The following PCDHA8 variants were observed in gnomAD, a reference collection of about 807,000 sequenced individuals.
The protein encoded by PCDHA8 is protocadherin alpha 8, also known as protocadherin alpha-8.
PCDHA8 carries 53 observed loss-of-function variants against 61.8 expected under a neutral mutation model. The observed-to-expected ratio is 0.86, with a 90% CI of 0.69 to 1.08. The LOEUF is 1.08. PCDHA8 is among the 50% of genes least tolerant of loss of function. PCDHA8 has a pLI of 0.00. For synonymous variants in PCDHA8, 618 were observed against 556.6 expected, an observed-to-expected ratio of 1.11 and a Z score of -1.55; for missense variants, 1,293 against 1,245.0, an observed-to-expected ratio of 1.04 and a Z score of -0.58.
chr5:140,981,685 C>T (rs369964011), intron 2 of PCDHA8, among the ~76,000 whole-genome samples: 1 of 152,048 alleles, frequency 6.6e-6, no homozygotes, highest in African/African-American at 2.4e-5. Flanking sequence ...TTCCTCCCTT[C>T]CATCATTCAT....
chr5:140,849,189 G>C, intron 1 of PCDHA8: 1 of 1,056,674 alleles, frequency 9.5e-7, no homozygotes, highest in Non-Finnish European at 1.3e-6. Context: ...ACTCATCACG[G>C]TACTGGACAA....
chr5:140,982,706 T>C, intron 3 of PCDHA8, 143 bp downstream of exon 3: 1 of 1,375,170 alleles, frequency 7.3e-7, no homozygotes, highest in Admixed American at 2.9e-5. Flanking sequence ...ATGATTTCCT[T>C]ACATATATGA....
rs1432182351 is a variant in PCDHA8 at position 140,843,140 on chromosome 5, C to T, written c.1819C>T (p.Leu607Phe). 4 of 1,596,022 alleles carry T rather than the reference C, an allele frequency of 2.5e-6. No homozygotes were observed. The East Asian group carries it at 8.9e-5, about 36-fold the overall frequency. The change falls in exon 1 of 4, where the codon CTT becomes TTT. Residue 607 changes from leucine (L) to phenylalanine (F), a missense_variant. Transcript: ENST00000531613. ...VDADSGYNAW[L>F]SYELQPAASS... The stretch of plus-strand genomic sequence containing the variant: ...CGCCGACTCGGGCTACAACGCGTGG[C>T]TTTCGTATGAGCTGCAGCCAGCTGC...
rs2150322842 is a variant in PCDHA8, at chr5:140,841,795, C to T, written c.474C>T (p.Ser158=). The part of the protein sequence containing the change: ...PDSRFPLEGA[S]DADVGANSVL... ...CTCGGTTTCCGCTAGAGGGCGCGTC[C>T]GATGCAGATGTTGGAGCTAACTCCG... The change falls in exon 1 of 4, where the codon TCC becomes TCT. Residue 158 remains serine, a synonymous_variant. Transcript: ENST00000531613. 6.2e-7 allele frequency: 1 copy of T among 1,613,824 alleles called. No homozygotes were observed. The highest frequency in any genetic ancestry group is 8.5e-7 in the Non-Finnish European group (1 of 1,179,856).
At chr5:140,845,610 G>A (rs1779953371) in intron 1 of PCDHA8, among the ~76,000 whole-genome samples, 1 of 149,452 alleles carries the variant, frequency 6.7e-6, no homozygotes, top group Non-Finnish European at 1.5e-5. Context: ...ATTAAGTATT[G>A]TGGATTCTGA....
intron 2 of PCDHA8, among the ~76,000 whole-genome samples, chr5:140,981,613 G>C (rs1279038280): frequency 6.6e-6 from 1 of 152,056 alleles, no homozygotes; most frequent in Non-Finnish European, 1.5e-5. Flanking sequence ...CTCTAATTTT[G>C]ATGAGGGTTT....
At chr5:140,852,838 C>A in intron 1 of PCDHA8, 1 of 968,954 alleles carries the variant, frequency 1.0e-6, no homozygotes, top group Non-Finnish European at 1.2e-6. Context: ...CTCCTTAGAG[C>A]TAGTACTTAC....
At chr5:140,893,380 C>A (rs1554185596) in intron 1 of PCDHA8, among the ~76,000 whole-genome samples, 1 of 152,130 alleles carries the variant, frequency 6.6e-6, no homozygotes, top group African/African-American at 2.4e-5. Context: ...ATTTATGGGA[C>A]AGTGGCTCAT....
chr5:140,922,926 T>C (rs1476173998), intron 1 of PCDHA8, among the ~76,000 whole-genome samples: 2 of 152,222 alleles, frequency 1.3e-5, no homozygotes, highest in African/African-American at 4.8e-5. Context: ...CTTCAGACTT[T>C]TACTTCCAGC....
At chr5:140,975,439 T>C (rs1376325988) in intron 1 of PCDHA8, among the ~76,000 whole-genome samples, 2 of 152,222 alleles carry the variant, frequency 1.3e-5, no homozygotes, top group Non-Finnish European at 2.9e-5. Context: ...CACCAGGATA[T>C]AGGGATCTTG....
At chr5:140,857,667 G>T (rs375722457) in intron 1 of PCDHA8, 10 of 1,596,922 alleles carry the variant, frequency 6.3e-6, no homozygotes, top group East Asian at 4.5e-5. Flanking sequence ...CGCGATGGGG[G>T]CGTGCCGCCT....
chr5:140,907,109 C>T (rs6883830), intron 1 of PCDHA8, among the ~76,000 whole-genome samples: 5,598 of 152,160 alleles, frequency 0.037, 292 homozygotes, highest in African/African-American at 0.12. Flanking sequence ...CCACTTCCAC[C>T]CCTTGATTCC....
intron 1 of PCDHA8, among the ~76,000 whole-genome samples, chr5:140,896,910 T>C (rs1174063416): frequency 1.3e-5 from 2 of 152,208 alleles, no homozygotes; most frequent in Non-Finnish European, 2.9e-5. Context: ...AAGCATGCAA[T>C]GCACAATAAT....
chr5:140,921,406 C>T (rs1436249655), intron 1 of PCDHA8, among the ~76,000 whole-genome samples: 8 of 152,092 alleles, frequency 5.3e-5, no homozygotes, highest in African/African-American at 1.9e-4. Flanking sequence ...CTAGATTTTC[C>T]TCTGTGCTGC....
intron 1 of PCDHA8, chr5:140,856,230 G>C (rs17844339): frequency 1.3e-6 from 2 of 1,597,950 alleles, no homozygotes; most frequent in African/African-American, 1.3e-5. Flanking sequence ...CTGGTGCAGC[G>C]CCTGTTCCGG....
intron 1 of PCDHA8, chr5:140,848,980 T>C (rs1554142681): frequency 1.9e-6 from 3 of 1,599,772 alleles, no homozygotes; most frequent in Non-Finnish European, 1.7e-6. Flanking sequence ...GATGCAGATA[T>C]CGGGGAGAAC....
rs1554149344 is a variant in PCDHA8, at chr5:140,856,961, G to C, written c.2394+13246G>C. 5.0e-6 allele frequency: 8 copies of C among 1,590,776 alleles called. 2 individuals carry two copies. The highest frequency in any genetic ancestry group is 3.4e-5 in the Admixed American group (2 of 59,226). ...AAGGACGGGAGAAATAAAAGTAAATGATGCTATTGACTTTGAGGACAGTAA... is the reference window on the plus strand; with the variant it reads ...AAGGACGGGAGAAATAAAAGTAAATCATGCTATTGACTTTGAGGACAGTAA... On this transcript the variant is annotated intron_variant, in intron 1 of 3. Transcript: ENST00000531613.
intron 1 of PCDHA8, among the ~76,000 whole-genome samples, chr5:140,918,360 G>A (rs1243919537): frequency 1.3e-5 from 2 of 152,082 alleles, no homozygotes; most frequent in African/African-American, 4.8e-5. Flanking sequence ...CTTCCTCTCT[G>A]CCTATTTGGA....
intron 1 of PCDHA8, among the ~76,000 whole-genome samples, chr5:140,900,569 A>G (rs1166977648): frequency 2.6e-5 from 4 of 152,182 alleles, no homozygotes; most frequent in African/African-American, 9.7e-5. Context: ...GAGCCACGGC[A>G]CCGGCCCATT....
Sources: gnomAD v4.1 joint callset for allele counts (sites outside exome capture counted in the v4.1 genomes callset) on GRCh38, gnomAD v4.1.1 for gene constraint, MANE v1.5 for transcripts, NCBI Gene and HGNC (gene_info 2026-07-23, HGNC 2026-07-21) for gene names.